PLA2G4C: variants seen among roughly 807,000 people sequenced by gnomAD.
PLA2G4C encodes the protein phospholipase A2 group IVC, also known as cytosolic phospholipase A2 gamma.
Under a neutral mutation model 73.8 loss-of-function variants are expected in PLA2G4C, and 64 were observed. That is an observed-to-expected ratio of 0.87 (90% confidence interval 0.71 to 1.07). The LOEUF (loss-of-function observed/expected upper bound fraction) is 1.07. PLA2G4C is among the 50% of genes least tolerant of loss of function. The probability of loss-of-function intolerance (pLI) is 0.00; values close to 1 mark genes in which losing one functional copy is unlikely to be tolerated. For missense variants in PLA2G4C, 622 were observed against 665.4 expected (o/e 0.93, Z 0.72); for synonymous variants, 254 against 252.1 (o/e 1.01, Z -0.07).
intron 4 of PLA2G4C, among the ~76,000 whole-genome samples, chr19:48,101,531 C>A (rs1480055948): frequency 6.6e-6 from 1 of 151,814 alleles, no homozygotes; most frequent in Non-Finnish European, 1.5e-5. Flanking sequence ...CTCTTGAGCC[C>A]CTGAAGTGTG....
rs139790411 is a variant in PLA2G4C at position 48,107,135 on chromosome 19, G to A, written c.-32-574C>T. Among the ~76,000 whole-genome samples, 43 of 151,424 alleles carry A rather than the reference G, an allele frequency of 2.8e-4. No individual in the cohort carries two copies. In the East Asian group the frequency reaches 8.0e-3, roughly 28 times the overall value. ...GCTGGGATTACAGGCACGAGCCACC[G>A]CGTCCGACCTGAGACTAGGGTTTTT... is the stretch of plus-strand genomic sequence containing the variant. On this transcript the variant is annotated intron_variant, in intron 1 of 16. Coordinates refer to ENST00000599921, the MANE Select transcript of PLA2G4C (RefSeq NM_003706.3).
chr19:48,049,902 G>A (rs953124016), intron 16 of PLA2G4C, among the ~76,000 whole-genome samples: 5 of 152,124 alleles, frequency 3.3e-5, no homozygotes, highest in African/African-American at 1.2e-4. Context: ...AATAAGTGTC[G>A]GTTGTTTAAG....
chr19:48,055,077 G>T, intron 14 of PLA2G4C, 28 bp from the exon 15 acceptor site: 1 of 1,568,970 alleles, frequency 6.4e-7, no homozygotes, highest in East Asian at 2.2e-5. Flanking sequence ...AGAAATGGTT[G>T]CAAGACCTCT....
intron 16 of PLA2G4C, among the ~76,000 whole-genome samples, chr19:48,051,556 TGAGAGAGAGAGATC>T (rs1177165090): frequency 1.0e-5 from 1 of 96,250 alleles, no homozygotes; most frequent in Non-Finnish European, 2.5e-5. Flanking sequence ...GCAGGAGAGA[TGAGAGAGAGAGATC>T]GAGAGAGAGA....
At chr19:48,090,225 T>G in intron 8 of PLA2G4C, 139 bp downstream of exon 8, 1 of 695,680 alleles carries the variant, frequency 1.4e-6, no homozygotes, top group Non-Finnish European at 2.6e-6. Flanking sequence ...CCCAATTATA[T>G]GAGAATAAAT....
intron 7 of PLA2G4C, among the ~76,000 whole-genome samples, chr19:48,093,755 G>A (rs147563293): frequency 2.6e-5 from 4 of 152,208 alleles, no homozygotes; most frequent in Middle Eastern, 3.4e-3. Flanking sequence ...CAAATCTCTC[G>A]AGTTGTAATC....
At chr19:48,049,499 G>GCC (rs11412957) in intron 16 of PLA2G4C, among the ~76,000 whole-genome samples, 5 of 151,770 alleles carry the variant, frequency 3.3e-5, no homozygotes, top group Admixed American at 6.6e-5. Context: ...ATGTCATGTT[G>GCC]CCCCCCGGGA....
chr19:48,076,558 T>C (rs1300525396), intron 11 of PLA2G4C, among the ~76,000 whole-genome samples: 1 of 151,940 alleles, frequency 6.6e-6, no homozygotes, highest in East Asian at 1.9e-4. Flanking sequence ...GCCTGGGTAA[T>C]GTAGTGAAAA....
At position 48,082,895 on chromosome 19, in the gene PLA2G4C, A is replaced by G. The variant is rs528039128; in HGVS notation, c.844+2164T>C. On this transcript the variant is annotated intron_variant, in intron 10 of 16. Transcript: ENST00000599921. ...GTGGCTCGATCTTGGCTCACCGCAA[A>G]CTCTGCCTCCCAGGTTCACGCCATT... 2.3e-3 allele frequency among the ~76,000 whole-genome samples: 260 copies of G among 114,024 alleles called. 1 individual carries two copies. Among genetic ancestry groups the G allele is most frequent in the African/African-American group, 8.2e-3 (250 of 30,484 alleles). The allele number at this position is 114,024 out of a possible 152,430, so 74.8% of individuals were successfully genotyped here.
chr19:48,062,385 G>A (rs753929640), intron 13 of PLA2G4C: 18 of 351,138 alleles, frequency 5.1e-5, no homozygotes, highest in East Asian at 1.1e-4. Context: ...TGAGGCAGGT[G>A]GATCACTTGA....
intron 4 of PLA2G4C, 143 bp from the exon 5 acceptor site, chr19:48,100,003 T>G (rs1315635623): frequency 1.4e-5 from 8 of 558,518 alleles, no homozygotes; most frequent in African/African-American, 5.7e-5. Context: ...AAATTTCCAT[T>G]AAATAAATAC....
At chr19:48,056,501 T>C (rs938613078) in intron 14 of PLA2G4C, among the ~76,000 whole-genome samples, 1 of 151,470 alleles carries the variant, frequency 6.6e-6, no homozygotes. Context: ...TGAGCCCAGA[T>C]AGCGCCATTG....
At chr19:48,081,101 C>T (rs1042195970) in intron 10 of PLA2G4C, among the ~76,000 whole-genome samples, 1 of 149,656 alleles carries the variant, frequency 6.7e-6, no homozygotes, top group African/African-American at 2.5e-5. Context: ...GGAGGCGGAG[C>T]TTGCGGTGAG....
At chr19:48,059,743 G>A (rs1409838777) in intron 14 of PLA2G4C, among the ~76,000 whole-genome samples, 1 of 151,340 alleles carries the variant, frequency 6.6e-6, no homozygotes, top group Non-Finnish European at 1.5e-5. Flanking sequence ...CAGACTGAAG[G>A]CTGCACTGTG....
At chr19:48,082,500 T>C (rs189759209) in intron 10 of PLA2G4C, among the ~76,000 whole-genome samples, 184 of 119,624 alleles carry the variant, frequency 1.5e-3, no homozygotes, top group African/African-American at 4.7e-3. Flanking sequence ...TTCTTTCTTT[T>C]TTTTTTTTTT....
chr19:48,068,161 G>A (rs1968514793), intron 12 of PLA2G4C, among the ~76,000 whole-genome samples: 1 of 152,104 alleles, frequency 6.6e-6, no homozygotes, highest in South Asian at 2.1e-4. Flanking sequence ...AATTAGCTGG[G>A]CGTGGTGGTG....
chr19:48,082,825 T>TC (rs1309607351), intron 10 of PLA2G4C, among the ~76,000 whole-genome samples: 1 of 146,380 alleles, frequency 6.8e-6, no homozygotes, highest in Non-Finnish European at 1.5e-5. Context: ...CTTTTTTTTT[T>TC]TTTTTTGAGA....
intron 13 of PLA2G4C, chr19:48,063,871 T>G (rs7260109): frequency 3.3e-5 from 5 of 151,356 alleles, no homozygotes; most frequent in Non-Finnish European, 5.9e-5. Flanking sequence ...AAAGGGGTCC[T>G]GATCCAGACC....
At chr19:48,057,849 C>T (rs975207912) in intron 14 of PLA2G4C, among the ~76,000 whole-genome samples, 1 of 149,230 alleles carries the variant, frequency 6.7e-6, no homozygotes, top group East Asian at 2.1e-4. Context: ...ATATACTTAT[C>T]TTTAGAGACA....
Sources: allele counts gnomAD v4.1 joint callset (sites outside exome capture counted in the v4.1 genomes callset), GRCh38; gene constraint gnomAD v4.1.1; transcripts MANE v1.5; gene names NCBI Gene and HGNC (gene_info 2026-07-23, HGNC 2026-07-21).